Variants in CDH13 observed in about 807,000 individuals in gnomAD.
The protein encoded by CDH13 is cadherin-13.
A neutral mutation model predicts 63.8 loss-of-function variants in CDH13; 24 were observed. That is an observed-to-expected ratio of 0.38 (90% CI 0.27 to 0.53). CDH13 has a LOEUF of 0.53. Among genes scored for constraint, CDH13 ranks in the 20% least tolerant of loss-of-function variants. The pLI is 0.85. For missense variants in CDH13, 1,049 were observed against 903.1 expected (o/e 1.16, Z -2.07); for synonymous variants, 503 against 355.3 (o/e 1.42, Z -4.67).
At chr16:83,176,083 C>G (rs567149758) in intron 4 of CDH13, among the ~76,000 whole-genome samples, 1 of 150,522 alleles carries the variant, frequency 6.6e-6, no homozygotes, top group South Asian at 2.1e-4. Context: ...ATCTCTACCT[C>G]AGGTCATCCA....
At chr16:83,565,210 C>A (rs1363350601) in intron 7 of CDH13, among the ~76,000 whole-genome samples, 1 of 152,070 alleles carries the variant, frequency 6.6e-6, no homozygotes, top group Non-Finnish European at 1.5e-5. Flanking sequence ...AGGCTTACTT[C>A]TCGGTTTCTG....
chr16:83,521,054 T>C (rs2074820946), intron 7 of CDH13, among the ~76,000 whole-genome samples: 1 of 152,204 alleles, frequency 6.6e-6, no homozygotes, highest in Non-Finnish European at 1.5e-5. Context: ...ATACTTCATG[T>C]GCTTTTTAAA....
chr16:82,801,064 A>C (rs1032559134), intron 1 of CDH13, among the ~76,000 whole-genome samples: 1 of 152,148 alleles, frequency 6.6e-6, no homozygotes, highest in African/African-American at 2.4e-5. Flanking sequence ...AAATTTTTCA[A>C]GTACTCTCAG....
intron 5 of CDH13, among the ~76,000 whole-genome samples, chr16:83,298,779 A>G (rs567492329): frequency 1.3e-5 from 2 of 152,344 alleles, no homozygotes; most frequent in African/African-American, 2.4e-5. Flanking sequence ...TGAGCATTAC[A>G]TGAGACTGTT....
At chr16:83,547,660 A>G (rs1351925528) in intron 7 of CDH13, among the ~76,000 whole-genome samples, 5 of 152,222 alleles carry the variant, frequency 3.3e-5, no homozygotes, top group South Asian at 4.1e-4. Context: ...ATAGTATTCC[A>G]TGGTATATAC....
chr16:82,661,246 A>G (rs906449747), intron 1 of CDH13, among the ~76,000 whole-genome samples: 1 of 152,192 alleles, frequency 6.6e-6, no homozygotes, highest in East Asian at 1.9e-4. Context: ...AGTCCTGAGG[A>G]CACACGCTCT....
chr16:83,374,918 T>C (rs1194050934), intron 6 of CDH13, among the ~76,000 whole-genome samples: 2 of 152,230 alleles, frequency 1.3e-5, no homozygotes, highest in East Asian at 1.9e-4. Flanking sequence ...GCAGCCTATA[T>C]ATACAGATTT....
chr16:83,058,669 G>T (rs1017747701), intron 3 of CDH13, among the ~76,000 whole-genome samples: 11 of 152,140 alleles, frequency 7.2e-5, no homozygotes, highest in African/African-American at 2.7e-4. Flanking sequence ...AGTGTCTCCT[G>T]TGTAAATAGA....
intron 4 of CDH13, among the ~76,000 whole-genome samples, chr16:83,165,249 G>C (rs1364084831): frequency 6.6e-6 from 1 of 152,048 alleles, no homozygotes; most frequent in Non-Finnish European, 1.5e-5. Flanking sequence ...CAACTGATCT[G>C]CCAAGATGTT....
chr16:83,135,292 C>T (rs1345895752), intron 4 of CDH13, among the ~76,000 whole-genome samples: 1 of 152,208 alleles, frequency 6.6e-6, no homozygotes, highest in South Asian at 2.1e-4. Context: ...AAAACCAAGA[C>T]TCTTCAATGC....
intron 1 of CDH13, among the ~76,000 whole-genome samples, chr16:82,695,462 G>A (rs776048203): frequency 6.6e-6 from 1 of 152,136 alleles, no homozygotes; most frequent in Non-Finnish European, 1.5e-5. Flanking sequence ...ATTCATGGCA[G>A]GGTTAGCACG....
At chr16:83,589,339 C>G (rs565552365) in intron 7 of CDH13, among the ~76,000 whole-genome samples, 70 of 127,330 alleles carry the variant, frequency 5.5e-4, no homozygotes, top group African/African-American at 2.0e-3. Context: ...TTCTCTCTGT[C>G]TCCCTCCCTC....
intron 1 of CDH13, among the ~76,000 whole-genome samples, chr16:82,853,503 G>C (rs189085148): frequency 1.3e-5 from 2 of 152,030 alleles, no homozygotes; most frequent in Admixed American, 1.3e-4. Flanking sequence ...TCCTCATAAC[G>C]GGTGAGATAC....
intron 8 of CDH13, among the ~76,000 whole-genome samples, chr16:83,669,085 G>A (rs1914267093): frequency 1.3e-5 from 2 of 152,124 alleles, no homozygotes; most frequent in South Asian, 2.1e-4. Flanking sequence ...CCAGAGCCTG[G>A]GGAATCTGAA....
intron 2 of CDH13, among the ~76,000 whole-genome samples, chr16:83,019,766 G>C (rs536601210): frequency 6.8e-6 from 1 of 148,060 alleles, no homozygotes; most frequent in African/African-American, 2.5e-5. Context: ...AAAGTGCTGG[G>C]ATTACAAGCG....
chr16:83,405,500 C>T (rs961071469), intron 6 of CDH13, among the ~76,000 whole-genome samples: 1 of 152,158 alleles, frequency 6.6e-6, no homozygotes, highest in African/African-American at 2.4e-5. Context: ...CAAGAGATGC[C>T]AGCAGCACCT....
intron 5 of CDH13, among the ~76,000 whole-genome samples, chr16:83,329,024 T>G (rs2090427782): frequency 6.6e-6 from 1 of 152,162 alleles, no homozygotes; most frequent in Non-Finnish European, 1.5e-5. Context: ...CTACTGGGCC[T>G]TAGCACCTTC....
intron 6 of CDH13, among the ~76,000 whole-genome samples, chr16:83,431,577 A>C (rs1480315392): frequency 6.6e-6 from 1 of 152,164 alleles, no homozygotes; most frequent in Non-Finnish European, 1.5e-5. Context: ...CAGGCTGTAC[A>C]GGAAACACAA....
At chr16:83,509,430 C>A (rs1044159829) in intron 7 of CDH13, among the ~76,000 whole-genome samples, 5 of 152,192 alleles carry the variant, frequency 3.3e-5, no homozygotes, top group Non-Finnish European at 5.9e-5. Context: ...GTGGCTGCTG[C>A]AACTGTGCAG....
Sources: allele counts gnomAD v4.1 joint callset (sites outside exome capture counted in the v4.1 genomes callset), GRCh38; gene constraint gnomAD v4.1.1; transcripts MANE v1.5; gene names NCBI Gene and HGNC (gene_info 2026-07-23, HGNC 2026-07-21).